Variants in GPBP1 observed in about 807,000 individuals in gnomAD.
GPBP1 encodes the protein vasculin.
GPBP1 carries 13 observed loss-of-function variants against 56.5 expected under a neutral mutation model. That is an observed-to-expected ratio of 0.23 (90% confidence interval 0.15 to 0.37). The LOEUF is 0.37. GPBP1 is among the 10% of genes least tolerant of loss of function. The probability of loss-of-function intolerance (pLI) is 1.00; values close to 1 mark genes in which losing one functional copy is unlikely to be tolerated. For missense variants in GPBP1, 477 were observed against 572.3 expected (o/e 0.83, Z 1.70); for synonymous variants, 204 against 188.9 (o/e 1.08, Z -0.66).
At chr5:57,199,982 A>G (rs1325913487) in intron 2 of GPBP1, among the ~76,000 whole-genome samples, 1 of 143,348 alleles carries the variant, frequency 7.0e-6, no homozygotes, top group African/African-American at 2.6e-5. Context: ...TGCTGGGATT[A>G]CAGGCGTGAG....
At position 57,231,295 on chromosome 5, in the gene GPBP1, C is replaced by T. The variant is rs773093420; in HGVS notation, c.385C>T (p.Arg129Cys). Residue 129 changes from arginine (R) to cysteine (C), a missense_variant, in exon 5 of 12, where the codon CGC becomes TGC. Arg to Cys is a radical substitution (Grantham distance 180). Transcript: ENST00000506184. The part of the protein sequence containing the change: ...ETGRKEDKRE[R>C]KQFEAEDFPS... ...CGGGAGGAAAGAAGACAAGAGAGAA[C>T]GCAAACAGTTTGAAGCTGAGGATTT... 1.2e-4 allele frequency: 196 copies of T among 1,613,396 alleles called. 1 individual carries two copies. Among genetic ancestry groups the T allele is most frequent in the Non-Finnish European group, 1.5e-4 (178 of 1,179,658 alleles).
At chr5:57,229,590 G>A (rs1756354126) in intron 3 of GPBP1, among the ~76,000 whole-genome samples, 1 of 150,950 alleles carries the variant, frequency 6.6e-6, no homozygotes, top group Admixed American at 6.6e-5. Flanking sequence ...GAGTACAGTT[G>A]TGTCATCTCG....
At chr5:57,212,127 A>T (rs540919717) in intron 2 of GPBP1, among the ~76,000 whole-genome samples, 83 of 150,840 alleles carry the variant, frequency 5.5e-4, no homozygotes, top group African/African-American at 1.9e-3. Context: ...ATGGGGTTTC[A>T]CCATTTTGGC....
intron 6 of GPBP1, among the ~76,000 whole-genome samples, chr5:57,244,317 C>T (rs1451923792): frequency 6.6e-6 from 1 of 152,106 alleles, no homozygotes; most frequent in Admixed American, 6.6e-5. Flanking sequence ...TGACTCTACT[C>T]CTATTTTATA....
chr5:57,211,999 C>T (rs769281397), intron 2 of GPBP1, among the ~76,000 whole-genome samples: 12 of 152,022 alleles, frequency 7.9e-5, no homozygotes, highest in Middle Eastern at 6.8e-3. Flanking sequence ...GGCAGTGGCG[C>T]GATCTCGGCT....
chr5:57,185,807 C>T (rs577597848), intron 2 of GPBP1, among the ~76,000 whole-genome samples: 1 of 151,758 alleles, frequency 6.6e-6, no homozygotes, highest in Non-Finnish European at 1.5e-5. Flanking sequence ...CGAGACCAGC[C>T]TGGGCAACAT....
At chr5:57,240,367 A>C (rs941710123) in intron 6 of GPBP1, among the ~76,000 whole-genome samples, 1 of 152,256 alleles carries the variant, frequency 6.6e-6, no homozygotes, top group South Asian at 2.1e-4. Context: ...AAACTAAATT[A>C]GTAACTGGCA....
intron 10 of GPBP1, among the ~76,000 whole-genome samples, chr5:57,251,387 TTA>T (rs1389376165): frequency 6.6e-6 from 1 of 152,214 alleles, no homozygotes; most frequent in Admixed American, 6.5e-5. Flanking sequence ...TGTATGTATC[TTA>T]TATAAGTGGA....
chr5:57,262,673 A>T lies in GPBP1; in HGVS notation c.1343A>T (p.Asn448Ile). The T allele has an allele frequency of 6.2e-7, 1 of 1,613,850 alleles. No individual in the cohort carries two copies. Among genetic ancestry groups the T allele is most frequent in the Non-Finnish European group, 8.5e-7 (1 of 1,179,754 alleles). ...GACTTCAAGTTTGGACCGTGGAAGAACAGCACTTTCAAACCCACAACTGAG... is the reference window on the plus strand; with the variant it reads ...GACTTCAAGTTTGGACCGTGGAAGATCAGCACTTTCAAACCCACAACTGAG... ...ICDFKFGPWK[N>I]STFKPTTEND... Residue 448 changes from asparagine to isoleucine, a missense_variant, in exon 12 of 12, where the codon AAC becomes ATC. By Grantham distance (149) the Asn-to-Ile change is moderately radical. This residue lies in a region of GPBP1 where 63 missense variants were observed against 114.0 expected (regional missense o/e 0.55). Transcript: ENST00000506184.
chr5:57,219,415 C>CAAAAAAAAAAAAAA (rs1333855778), intron 3 of GPBP1, among the ~76,000 whole-genome samples: 2 of 61,852 alleles, frequency 3.2e-5, no homozygotes, highest in African/African-American at 5.5e-5. Flanking sequence ...CAAAAACAAA[C>CAAAAAAAAAAAAAA]AAACAAAAAA....
intron 2 of GPBP1, among the ~76,000 whole-genome samples, chr5:57,213,166 G>A (rs1387292438): frequency 2.0e-5 from 3 of 151,828 alleles, no homozygotes; most frequent in Admixed American, 1.3e-4. Context: ...TGATTTTCCC[G>A]CCTCAGCCTC....
chr5:57,178,778 T>A (rs1377110708), intron 2 of GPBP1, among the ~76,000 whole-genome samples: 1 of 152,230 alleles, frequency 6.6e-6, no homozygotes, highest in African/African-American at 2.4e-5. Flanking sequence ...TTGCATCCGT[T>A]GGTAATTGGA....
At chr5:57,199,607 C>A (rs1277036842) in intron 2 of GPBP1, among the ~76,000 whole-genome samples, 3 of 152,030 alleles carry the variant, frequency 2.0e-5, no homozygotes, top group African/African-American at 7.3e-5. Context: ...AGGTTTGTTA[C>A]ATATGTATAC....
chr5:57,217,223 T>G (rs1377265272), intron 3 of GPBP1, among the ~76,000 whole-genome samples: 2 of 152,092 alleles, frequency 1.3e-5, no homozygotes, highest in Non-Finnish European at 2.9e-5. Flanking sequence ...CAAGTTATTT[T>G]GTTAGGGGAG....
At position 57,241,856 on chromosome 5, in the gene GPBP1, A is replaced by G. The variant is rs534108693; in HGVS notation, c.479-4444A>G. Among the ~76,000 whole-genome samples the G allele has an allele frequency of 3.2e-4, 48 of 152,356 alleles. 1 individual carries two copies. Among genetic ancestry groups the G allele is most frequent in the Admixed American group, 2.2e-3 (34 of 15,302 alleles). On this transcript the variant is annotated intron_variant, in intron 6 of 11. Transcript: ENST00000506184. ...CATATAATTAACCAAGTCAGAAAGT[A>G]AACATTGGATAATGTTTGACTCTAA...
In GPBP1 at chr5:57,213,657, T is replaced by G. The variant is rs146220047; in HGVS notation, c.-57-417T>G. Among the ~76,000 whole-genome samples the G allele has an allele frequency of 5.1e-3, 772 of 152,282 alleles. 2 individuals carry two copies. The highest frequency in any genetic ancestry group is 8.0e-3 in the Non-Finnish European group (543 of 68,028). On this transcript the variant is annotated intron_variant, in intron 2 of 11. Transcript: ENST00000506184. ...TTGGTAGTTAAATCAGATTTCAAAT[T>G]TTATTTTAGGTGGGCACAAGACTAC... is the stretch of plus-strand genomic sequence containing the variant.
chr5:57,201,198 G>A (rs1357565191), intron 2 of GPBP1, among the ~76,000 whole-genome samples: 1 of 151,782 alleles, frequency 6.6e-6, no homozygotes, highest in Admixed American at 6.6e-5. Context: ...CTTTTTTTGA[G>A]TCAGGGCCTT....
At chr5:57,188,293 C>G (rs997568137) in intron 2 of GPBP1, among the ~76,000 whole-genome samples, 13 of 151,564 alleles carry the variant, frequency 8.6e-5, no homozygotes, top group Admixed American at 6.6e-4. Context: ...TGGGATAATA[C>G]TTGTGTAATT....
intron 2 of GPBP1, among the ~76,000 whole-genome samples, chr5:57,176,632 A>C (rs1267228679): frequency 6.6e-6 from 1 of 152,236 alleles, no homozygotes; most frequent in African/African-American, 2.4e-5. Flanking sequence ...CTAAGCTACA[A>C]GTTTTTGCGC....
Sources: gnomAD v4.1 joint callset for allele counts (sites outside exome capture counted in the v4.1 genomes callset) on GRCh38, gnomAD v4.1.1 for gene constraint, gnomAD v4.1.1 regional missense constraint, MANE v1.5 for transcripts, NCBI Gene and HGNC (gene_info 2026-07-23, HGNC 2026-07-21) for gene names.